GRM7: variants seen among roughly 807,000 people sequenced by gnomAD.
The protein encoded by GRM7 is metabotropic glutamate receptor 7.
GRM7 carries 35 observed loss-of-function variants against 84.5 expected under a neutral mutation model. The ratio of observed to expected loss-of-function variants is 0.41; its 90% CI spans 0.32 to 0.55. GRM7 has a LOEUF of 0.55. Ranked by LOEUF, GRM7 falls within the 20% of genes least tolerant of loss-of-function variation. The probability of loss-of-function intolerance (pLI) is 0.19; values close to 1 mark genes in which losing one functional copy is unlikely to be tolerated. For synonymous variants in GRM7, 487 were observed against 455.1 expected (o/e 1.07, Z -0.89); for missense variants, 1,003 against 1,194.6 (o/e 0.84, Z 2.36).
At chr3:7,432,728 C>G (rs574708249) in intron 5 of GRM7, among the ~76,000 whole-genome samples, 1 of 151,490 alleles carries the variant, frequency 6.6e-6, no homozygotes, top group Non-Finnish European at 1.5e-5. Context: ...TTCTATCAAA[C>G]GAAGGCTATC....
intron 1 of GRM7, among the ~76,000 whole-genome samples, chr3:6,870,970 A>G (rs1380928669): frequency 6.6e-6 from 1 of 152,244 alleles, no homozygotes; most frequent in Non-Finnish European, 1.5e-5. Flanking sequence ...AAATGGAGAC[A>G]TTAAGAATAA....
intron 2 of GRM7, among the ~76,000 whole-genome samples, chr3:7,293,679 G>A (rs1341789215): frequency 6.6e-6 from 1 of 152,184 alleles, no homozygotes; most frequent in Non-Finnish European, 1.5e-5. Flanking sequence ...CACCATTACT[G>A]AGAAATAAAC....
At chr3:7,661,076 C>A (rs1699423419) in intron 8 of GRM7, among the ~76,000 whole-genome samples, 1 of 152,190 alleles carries the variant, frequency 6.6e-6, no homozygotes, top group Non-Finnish European at 1.5e-5. Context: ...TCATGCCGAA[C>A]ACACAATTTA....
chr3:7,047,220 G>A (rs1014363865), intron 1 of GRM7, among the ~76,000 whole-genome samples: 2 of 151,910 alleles, frequency 1.3e-5, no homozygotes, highest in African/African-American at 4.8e-5. Flanking sequence ...GAATTGAGCT[G>A]TTGTAATGCA....
intron 7 of GRM7, among the ~76,000 whole-genome samples, chr3:7,565,460 A>G (rs1694216263): frequency 1.3e-5 from 2 of 152,216 alleles, no homozygotes; most frequent in Non-Finnish European, 1.5e-5. Context: ...GAATAAAACA[A>G]TGCTCATTCC....
At chr3:7,545,034 T>G (rs969947465) in intron 7 of GRM7, among the ~76,000 whole-genome samples, 1 of 152,228 alleles carries the variant, frequency 6.6e-6, no homozygotes, top group Non-Finnish European at 1.5e-5. Flanking sequence ...ACATGGCACA[T>G]AAGAAATGCA....
Position 7,306,397 on chromosome 3 carries a change from T to A in GRM7, c.879-101T>A, listed in dbSNP as rs938569765. ...CAAGTTTTTTGCAATTATTTACTTTTTGAGGAAGAATAGTACCTTTCCTTT... is the reference window on the plus strand; with the variant it reads ...CAAGTTTTTTGCAATTATTTACTTTATGAGGAAGAATAGTACCTTTCCTTT... On this transcript the variant is annotated intron_variant, in intron 3 of 9. Coordinates refer to ENST00000357716, the MANE Select transcript of GRM7 (RefSeq NM_000844.4). 3.6e-4 allele frequency: 340 copies of A among 946,082 alleles called. 3 individuals carry two copies. The highest frequency in any genetic ancestry group is 6.5e-5 in the Non-Finnish European group (40 of 612,530). The allele number at this position is 946,082 out of a possible 1,614,324, so 58.6% of individuals were successfully genotyped here. A position where few individuals can be genotyped will look rare whatever the true frequency, so the allele number is the denominator to read the frequency against.
At chr3:7,529,213 G>T (rs908170520) in intron 7 of GRM7, among the ~76,000 whole-genome samples, 4 of 152,052 alleles carry the variant, frequency 2.6e-5, no homozygotes, top group Non-Finnish European at 5.9e-5. Flanking sequence ...ATAGTGCCAA[G>T]CTCCTATTAG....
intron 4 of GRM7, among the ~76,000 whole-genome samples, chr3:7,410,571 C>CAAAAA (rs200197427): frequency 2.2e-4 from 31 of 139,066 alleles, no homozygotes; most frequent in African/African-American, 8.4e-4. Flanking sequence ...GACCCTGTCT[C>CAAAAA]AAAAAAACAA....
At chr3:7,417,502 G>T (rs952881450) in intron 5 of GRM7, among the ~76,000 whole-genome samples, 2 of 152,106 alleles carry the variant, frequency 1.3e-5, no homozygotes, top group Non-Finnish European at 2.9e-5. Flanking sequence ...GAATCAGTGG[G>T]AAAGGTAACC....
chr3:6,920,062 T>C (rs1213731241), intron 1 of GRM7, among the ~76,000 whole-genome samples: 2 of 152,228 alleles, frequency 1.3e-5, no homozygotes, highest in Non-Finnish European at 2.9e-5. Flanking sequence ...TCTTTTGCTC[T>C]GCCAATTGAT....
chr3:6,944,928 T>G (rs1698009106), intron 1 of GRM7, among the ~76,000 whole-genome samples: 1 of 152,140 alleles, frequency 6.6e-6, no homozygotes, highest in African/African-American at 2.4e-5. Flanking sequence ...TGGCACAAAG[T>G]GTTCATAAAT....
chr3:7,001,821 T>A (rs1013613341), intron 1 of GRM7, among the ~76,000 whole-genome samples: 5 of 152,190 alleles, frequency 3.3e-5, no homozygotes, highest in South Asian at 2.1e-4. Context: ...TGCATCAAAT[T>A]TTTATCTACA....
At chr3:7,209,649 T>G (rs1210322582) in intron 2 of GRM7, among the ~76,000 whole-genome samples, 1 of 152,114 alleles carries the variant, frequency 6.6e-6, no homozygotes, top group African/African-American at 2.4e-5. Context: ...TAAAAAGCTG[T>G]CTGTTGACGA....
At chr3:6,871,352 TA>T (rs1428569623) in intron 1 of GRM7, among the ~76,000 whole-genome samples, 2 of 152,160 alleles carry the variant, frequency 1.3e-5, no homozygotes, top group African/African-American at 4.8e-5. Context: ...ATTATTATTT[TA>T]TGTTCTTCAT....
intron 8 of GRM7, among the ~76,000 whole-genome samples, chr3:7,634,660 G>A (rs369421371): frequency 1.6e-4 from 25 of 151,882 alleles, no homozygotes; most frequent in East Asian, 9.8e-4. Flanking sequence ...CGGGCGTGGC[G>A]GTGTGCGCCT....
intron 4 of GRM7, among the ~76,000 whole-genome samples, chr3:7,374,798 G>A (rs906615066): frequency 2.0e-5 from 3 of 151,874 alleles, no homozygotes; most frequent in East Asian, 1.9e-4. Context: ...GCCGGTATGA[G>A]CTATTTTAAT....
chr3:7,099,229 AT>A (rs1330620410), intron 1 of GRM7, among the ~76,000 whole-genome samples: 19 of 114,886 alleles, frequency 1.7e-4, no homozygotes, highest in African/African-American at 9.9e-4. Context: ...TAATACATGT[AT>A]TATACATGTA....
chr3:7,468,603 T>C (rs759138225), intron 7 of GRM7, among the ~76,000 whole-genome samples: 3 of 152,180 alleles, frequency 2.0e-5, no homozygotes, highest in Non-Finnish European at 2.9e-5. Flanking sequence ...CATGATGATA[T>C]GGTTTGCCTG....
Sources: gnomAD v4.1 joint callset for allele counts (sites outside exome capture counted in the v4.1 genomes callset) on GRCh38, gnomAD v4.1.1 for gene constraint, MANE v1.5 for transcripts, NCBI Gene and HGNC (gene_info 2026-07-23, HGNC 2026-07-21) for gene names.